The following PLEKHG4B variants were observed in gnomAD, a reference collection of about 807,000 sequenced individuals.
PLEKHG4B encodes the protein pleckstrin homology domain-containing family G member 4B.
Under a neutral mutation model 121.3 loss-of-function variants are expected in PLEKHG4B, and 111 were observed. The ratio of observed to expected loss-of-function variants is 0.92; its 90% CI spans 0.78 to 1.07. The LOEUF (loss-of-function observed/expected upper bound fraction) is 1.07, where lower values mean the gene tolerates loss of function less well. PLEKHG4B is among the 50% of genes least tolerant of loss of function. The pLI is 0.00. For synonymous variants in PLEKHG4B, 738 were observed against 725.0 expected (o/e 1.02, Z -0.29); for missense variants, 1,831 against 1,757.8 (o/e 1.04, Z -0.74).
In PLEKHG4B at chr5:162,252, T is replaced by C. The variant is rs200131457; in HGVS notation, c.2649+308T>C. Among the ~76,000 whole-genome samples, 41 of 146,650 alleles carry C rather than the reference T, an allele frequency of 2.8e-4. 1 individual carries two copies. Among genetic ancestry groups the C allele is most frequent in the African/African-American group, 6.6e-4 (26 of 39,170 alleles). ...ACCCTAAACAAGTGCTACAGCAGAC[T>C]GCTCGCCTGCGAGCTCCCACGCGCC... On this transcript the variant is annotated intron_variant, in intron 12 of 19. Transcript: ENST00000637938.
intron 1 of PLEKHG4B, among the ~76,000 whole-genome samples, chr5:101,565 G>T (rs1407884086): frequency 3.0e-5 from 4 of 131,764 alleles, no homozygotes; most frequent in African/African-American, 1.4e-4. Context: ...GAAAAAGTCT[G>T]TAGGGGAGAG....
chr5:182,009 C>G lies in PLEKHG4B; in HGVS notation c.4570C>G (p.Gln1524Glu). Residue 1524 changes from glutamine to glutamate, a missense_variant, in exon 20 of 20, where the codon CAA becomes GAA. Gln to Glu is a conservative substitution (Grantham distance 29, BLOSUM62 2). Coordinates refer to ENST00000637938, the MANE Select transcript of PLEKHG4B (RefSeq NM_052909.5). ...PDSIVKGTES[Q>E]MRGSTAVSSS... ...TGCTTTCTGTCCCTTTCCAGAGTCA[C>G]AAATGAGAGGGTCCACAGCGGTGTC... 1 of 1,613,506 alleles carries G rather than the reference C, an allele frequency of 6.2e-7. No individual in the cohort carries two copies. Among genetic ancestry groups the G allele is most frequent in the Non-Finnish European group, 8.5e-7 (1 of 1,179,460 alleles).
chr5:178,782 T>C (rs77982707), intron 18 of PLEKHG4B, among the ~76,000 whole-genome samples: 2,466 of 152,324 alleles, frequency 0.016, 80 homozygotes, highest in African/African-American at 0.056. Context: ...TCCATGGGGA[T>C]GCGGTCCAGG....
In PLEKHG4B at chr5:174,091, G is replaced by C. The variant is rs1322979241; in HGVS notation, c.4395G>C (p.Lys1465Asn). 6.4e-7 allele frequency: 1 copy of C among 1,572,406 alleles called. No homozygotes were observed. Among genetic ancestry groups the C allele is most frequent in the South Asian group, 1.2e-5 (1 of 85,978 alleles). Residue 1465 changes from lysine to asparagine, a missense_variant, in exon 18 of 20, where the codon AAG (lysine) becomes AAC (asparagine). Transcript: ENST00000637938. ...IGRILWRQAL[K>N]SRELRIQEMA... ...GGATCCTGTGGCGGCAGGCACTAAA[G>C]AGCAGAGGTGGGAAGATGGGGGCCG...
At chr5:164,935 G>C (rs190339849) in intron 13 of PLEKHG4B, among the ~76,000 whole-genome samples, 619 of 35,714 alleles carry the variant, frequency 0.017, 9 homozygotes, top group Non-Finnish European at 0.025. Context: ...CACTAATGCT[G>C]TGACGGGGCG....
At chr5:148,344 C>CAAAAAA (rs71590513) in intron 6 of PLEKHG4B, among the ~76,000 whole-genome samples, 3 of 94,362 alleles carry the variant, frequency 3.2e-5, no homozygotes, top group Non-Finnish European at 4.8e-5. Context: ...AACAGTTCCA[C>CAAAAAA]AAAAAAAAAA....
At chr5:132,647 G>C (rs1168944413) in intron 2 of PLEKHG4B, among the ~76,000 whole-genome samples, 1 of 152,056 alleles carries the variant, frequency 6.6e-6, no homozygotes, top group East Asian at 1.9e-4. Flanking sequence ...TGTTGAATAG[G>C]GTGTCCTTTC....
At chr5:174,277 G>A in intron 18 of PLEKHG4B, among the ~76,000 whole-genome samples, 179 bp downstream of exon 18, 1 of 136,068 alleles carries the variant, frequency 7.3e-6, no homozygotes, top group Non-Finnish European at 1.6e-5. Context: ...TGGGGAATGG[G>A]GGCTGGGGCT....
At chr5:166,402 C>G (rs1443567120) in intron 13 of PLEKHG4B, among the ~76,000 whole-genome samples, 1 of 77,692 alleles carries the variant, frequency 1.3e-5, no homozygotes, top group Non-Finnish European at 3.4e-5. Context: ...TCTGACGGGG[C>G]GGAGCTCACA....
intron 11 of PLEKHG4B, among the ~76,000 whole-genome samples, chr5:161,199 C>T (rs752933223): frequency 2.6e-5 from 4 of 152,252 alleles, no homozygotes; most frequent in Admixed American, 6.5e-5. Context: ...TAGCCACAGG[C>T]GCTCCGTCCA....
Position 156,021 on chromosome 5 carries a change from T to TGGGAG in PLEKHG4B, c.2209-49_2209-48insGGAGG. ...TGCCACTGTCACACTTGGGAGGACC[T>TGGGAG]GCCCCTTGGAGGAGGGAGTTAAAGG... is the stretch of plus-strand genomic sequence containing the variant. On this transcript the variant is annotated intron_variant, in intron 9 of 19. Coordinates refer to ENST00000637938, the MANE Select transcript of PLEKHG4B (RefSeq NM_052909.5). The surrounding 1 kb of genome is among the most constrained non-coding windows in gnomAD (Gnocchi z 4.4). 1 of 1,472,822 alleles carries TGGGAG rather than the reference T, an allele frequency of 6.8e-7. No individual in the cohort carries two copies. Among genetic ancestry groups the TGGGAG allele is most frequent in the Non-Finnish European group, 9.1e-7 (1 of 1,099,448 alleles). 91.2% of individuals were successfully genotyped at this position (1,472,822 alleles called of 1,614,324 possible).
intron 18 of PLEKHG4B, among the ~76,000 whole-genome samples, chr5:180,103 G>T (rs1396358413): frequency 5.3e-5 from 8 of 152,064 alleles, no homozygotes; most frequent in African/African-American, 1.9e-4. Flanking sequence ...CTTTCTCTGG[G>T]TGTGCCTGAT....
At chr5:95,411 A>T (rs1486968791) in intron 1 of PLEKHG4B, among the ~76,000 whole-genome samples, 3 of 152,036 alleles carry the variant, frequency 2.0e-5, no homozygotes, top group Admixed American at 6.5e-5. Flanking sequence ...CTTCATCATC[A>T]GCCCAAAGCC....
Position 182,224 on chromosome 5 carries a change from C to G in PLEKHG4B, c.4785C>G (p.Val1595=). The G allele has an allele frequency of 6.2e-7, 1 of 1,613,794 alleles. No individual in the cohort carries two copies. ...GGTCATCTGATATCAGAGCCTGCGT[C>G]GAGGAAGATGAGCCAGAGCCAGAAC... ...SPWSSDIRAC[V]EEDEPEPELE... is the part of the protein sequence containing the mutation. Residue 1595 remains valine, a synonymous_variant, in exon 20 of 20, where the codon GTC becomes GTG. Coordinates refer to ENST00000637938, the MANE Select transcript of PLEKHG4B (RefSeq NM_052909.5).
At position 169,337 on chromosome 5, in the gene PLEKHG4B, C is replaced by T; in HGVS notation, c.3477-3C>T. Reference sequence around the variant, plus strand: ...TGCCCCCCGGGATCTCTGTGTCTTCCAGCAGCCGACTGAGGCACATCATGG... The same window carrying T: ...TGCCCCCCGGGATCTCTGTGTCTTCTAGCAGCCGACTGAGGCACATCATGG... On this transcript the variant is annotated splice_region_variant and splice_polypyrimidine_tract_variant and intron_variant, in intron 13 of 19. Transcript: ENST00000637938. The T allele has an allele frequency of 3.7e-6, 6 of 1,613,642 alleles. No individual in the cohort carries two copies. Among genetic ancestry groups the T allele is most frequent in the South Asian group, 2.2e-5 (2 of 91,074 alleles).
intron 2 of PLEKHG4B, among the ~76,000 whole-genome samples, chr5:119,109 C>G (rs1734392485): frequency 6.6e-6 from 1 of 151,992 alleles, no homozygotes; most frequent in Non-Finnish European, 1.5e-5. Flanking sequence ...ATCCTCCTGC[C>G]TCAGCCTCCC....
Position 182,458 on chromosome 5 carries a change from G to A in PLEKHG4B, c.*135G>A. On this transcript the variant is annotated 3_prime_UTR_variant, in exon 20 of 20. Transcript: ENST00000637938. ...ATCCAGAGGGAATAGCACAGCAGGT[G>A]TCCAGGTATTTCCCAGGATTTTAGA... 1 of 800,544 alleles carries A rather than the reference G, an allele frequency of 1.2e-6. No homozygotes were observed. The highest frequency in any genetic ancestry group is 1.9e-6 in the Non-Finnish European group (1 of 522,716). 49.6% of individuals were successfully genotyped at this position (800,544 alleles called of 1,614,324 possible). A position where few individuals can be genotyped will look rare whatever the true frequency, so the allele number is the denominator to read the frequency against.
At chr5:161,629 TG>T (rs1451353080) in intron 11 of PLEKHG4B, among the ~76,000 whole-genome samples, 153 bp from the exon 12 acceptor site, 1 of 152,168 alleles carries the variant, frequency 6.6e-6, no homozygotes, top group Non-Finnish European at 1.5e-5. Context: ...CTCGGTCCTT[TG>T]GTGCCTGCTC....
At chr5:118,256 T>C (rs1177977268) in intron 2 of PLEKHG4B, among the ~76,000 whole-genome samples, 1 of 152,222 alleles carries the variant, frequency 6.6e-6, no homozygotes, top group East Asian at 1.9e-4. Context: ...TGGACAGAAT[T>C]GCCAGGAGAA....
Sources: gnomAD v4.1 joint callset for allele counts (sites outside exome capture counted in the v4.1 genomes callset) on GRCh38, gnomAD v4.1.1 for gene constraint, Gnocchi (gnomAD v3.1) non-coding constraint, MANE v1.5 for transcripts, NCBI Gene and HGNC (gene_info 2026-07-23, HGNC 2026-07-21) for gene names.